BAG3: variants seen among roughly 807,000 people sequenced by gnomAD.
BAG3 encodes the protein BAG family molecular chaperone regulator 3.
BAG3 carries 14 observed loss-of-function variants against 40.5 expected under a neutral mutation model. The ratio of observed to expected loss-of-function variants is 0.35; its 90% CI spans 0.23 to 0.54. BAG3 has a LOEUF of 0.54. Ranked by LOEUF, BAG3 falls within the 20% of genes least tolerant of loss-of-function variation. BAG3 has a pLI of 0.91. For synonymous variants in BAG3, 302 were observed against 307.8 expected (o/e 0.98, Z 0.20); for missense variants, 788 against 758.6 (o/e 1.04, Z -0.46).
rs112546447 is a variant in BAG3, at chr10:119,651,898, C to T, written c.180+43C>T. The T allele has an allele frequency of 1.9e-3, 2,739 of 1,455,460 alleles. 43 individuals are homozygous for T. The African/African-American group carries it at 0.035, about 18-fold the overall frequency. The allele number at this position is 1,455,460 out of a possible 1,614,324, so 90.2% of individuals were successfully genotyped here. A position where few individuals can be genotyped will look rare whatever the true frequency, so the allele number is the denominator to read the frequency against. ...CCCGCCCTGGTCGGTGGCGCCACCT[C>T]GACGGCAGGCGGCGGGGAGTGGGCT... On this transcript the variant is annotated intron_variant, in intron 1 of 3. Transcript: ENST00000369085.
At chr10:119,666,638 C>G (rs1006889911) in intron 1 of BAG3, among the ~76,000 whole-genome samples, 1 of 52,572 alleles carries the variant, frequency 1.9e-5, no homozygotes, top group Non-Finnish European at 4.4e-5. Flanking sequence ...GGCTCAAGGG[C>G]TTTCTGGATC....
intron 1 of BAG3, among the ~76,000 whole-genome samples, chr10:119,668,461 C>T (rs1413143357): frequency 6.6e-6 from 1 of 152,256 alleles, no homozygotes; most frequent in Non-Finnish European, 1.5e-5. Flanking sequence ...AAAGATCACT[C>T]CCCTTCTTAA....
Position 119,672,148 on chromosome 10 carries a change from T to A in BAG3, c.508-107T>A. The A allele has an allele frequency of 1.4e-6, 2 of 1,448,606 alleles. No individual in the cohort carries two copies. The highest frequency in any genetic ancestry group is 1.9e-6 in the Non-Finnish European group (2 of 1,043,716). The allele number at this position is 1,448,606 out of a possible 1,614,324, so 89.7% of individuals were successfully genotyped here. On this transcript the variant is annotated intron_variant, in intron 2 of 3. Transcript: ENST00000369085. The surrounding 1 kb of genome is among the most constrained non-coding windows in gnomAD (Gnocchi z 4.8). ...ATTGAAAATTACAGATAGGAGGTCT[T>A]ACAATATGGATTGCCCTGAGGAGGT...
intron 1 of BAG3, among the ~76,000 whole-genome samples, chr10:119,666,826 A>G (rs897337660): frequency 6.6e-6 from 1 of 152,182 alleles, no homozygotes; most frequent in African/African-American, 2.4e-5. Flanking sequence ...TTACACAGCC[A>G]TACACCCATT....
In BAG3 at chr10:119,669,838, C is replaced by G; in HGVS notation, c.181-13C>G. The G allele has an allele frequency of 1.2e-6, 2 of 1,613,274 alleles. No individual in the cohort carries two copies. Among genetic ancestry groups the G allele is most frequent in the Non-Finnish European group, 1.7e-6 (2 of 1,179,300 alleles). ...TTTCTAACCAGCCTGTGTTTCTCCA[C>G]TTTTTATTTCAGGAGACTCCATCCT... On this transcript the variant is annotated splice_polypyrimidine_tract_variant and intron_variant, in intron 1 of 3. Coordinates refer to ENST00000369085, the MANE Select transcript of BAG3 (RefSeq NM_004281.4).
Position 119,651,801 on chromosome 10 carries a change from C to G in BAG3, c.126C>G (p.His42Gln). The change falls in exon 1 of 4, where the codon CAC (histidine) becomes CAG (glutamine). Residue 42 changes from histidine (H) to glutamine (Q), a missense_variant. His to Gln is a conservative substitution (Grantham distance 24, BLOSUM62 0). Transcript: ENST00000369085. ...PQTGWPFFVD[H>Q]NSRTTTWNDP... ...CCGGCTGGCCCTTCTTCGTGGACCA[C>G]AACAGCCGCACCACTACGTGGAACG... 6.2e-7 allele frequency: 1 copy of G among 1,600,954 alleles called. No individual in the cohort carries two copies. Among genetic ancestry groups the G allele is most frequent in the South Asian group, 1.1e-5 (1 of 89,520 alleles).
chr10:119,651,793 G>A lies in BAG3; in HGVS notation c.118G>A (p.Val40Met). 1.2e-6 allele frequency: 2 copies of A among 1,602,026 alleles called. No individual in the cohort carries two copies. Among genetic ancestry groups the A allele is most frequent in the African/African-American group, 1.3e-5 (1 of 74,178 alleles). The part of the protein sequence containing the change: ...IDPQTGWPFF[V>M]DHNSRTTTWN... ...CCCGCAGACCGGCTGGCCCTTCTTCGTGGACCACAACAGCCGCACCACTAC... is the reference window on the plus strand; with the variant it reads ...CCCGCAGACCGGCTGGCCCTTCTTCATGGACCACAACAGCCGCACCACTAC... Residue 40 changes from valine (V) to methionine (M), a missense_variant, in exon 1 of 4, where the codon GTG becomes ATG. Val to Met is a conservative substitution (Grantham distance 21, BLOSUM62 1). Coordinates refer to ENST00000369085, the MANE Select transcript of BAG3 (RefSeq NM_004281.4).
At chr10:119,653,957 T>A (rs1846877407) in intron 1 of BAG3, among the ~76,000 whole-genome samples, 1 of 152,222 alleles carries the variant, frequency 6.6e-6, no homozygotes, top group Admixed American at 6.5e-5. Flanking sequence ...TGAGGTTGCT[T>A]GGATTTTGAT....
Position 119,653,712 on chromosome 10 carries a change from T to A in BAG3, c.180+1857T>A, listed in dbSNP as rs1846873728. ...TTGAAATGTCCTTGAAGATCTCTTA[T>A]GTTAGGCTTCTTTATTTTCTGAAAC... On this transcript the variant is annotated intron_variant, in intron 1 of 3. Transcript: ENST00000369085. Among the ~76,000 whole-genome samples the A allele has an allele frequency of 2.0e-5, 3 of 152,220 alleles. No individual in the cohort carries two copies. The South Asian group carries it at 6.2e-4, about 32-fold the overall frequency.
chr10:119,674,635 A>C (rs1847194254), intron 3 of BAG3, among the ~76,000 whole-genome samples: 1 of 152,200 alleles, frequency 6.6e-6, no homozygotes, highest in Non-Finnish European at 1.5e-5. Context: ...GAGATTTTAA[A>C]AGAAGTGTTA....
intron 1 of BAG3, among the ~76,000 whole-genome samples, chr10:119,653,608 G>A (rs1208047587): frequency 6.6e-6 from 1 of 152,188 alleles, no homozygotes; most frequent in Non-Finnish European, 1.5e-5. Context: ...ATTCTTGTCA[G>A]CAAATACAAA....
At chr10:119,676,018 T>C (rs1297349221) in intron 3 of BAG3, among the ~76,000 whole-genome samples, 5 of 139,226 alleles carry the variant, frequency 3.6e-5, no homozygotes, top group African/African-American at 1.1e-4. Flanking sequence ...CTTGAATTCC[T>C]GGGCTCAAGC....
chr10:119,670,131 T>G lies in BAG3; in HGVS notation c.461T>G (p.Val154Gly). The part of the protein sequence containing the change: ...TTQPDKQCGQ[V>G]AAAAAAQPPA... ...CAGCCAGATAAACAGTGTGGACAGG[T>G]GGCAGCGGCGGCGGCAGCCCAGCCC... The change falls in exon 2 of 4, where the codon GTG becomes GGG. Residue 154 changes from valine (V) to glycine (G), a missense_variant. Val to Gly is a moderately radical substitution (Grantham distance 109). Coordinates refer to ENST00000369085, the MANE Select transcript of BAG3 (RefSeq NM_004281.4). 1 of 1,612,612 alleles carries G rather than the reference T, an allele frequency of 6.2e-7. No homozygotes were observed. The highest frequency in any genetic ancestry group is 1.3e-5 in the African/African-American group (1 of 74,914).
intron 1 of BAG3, among the ~76,000 whole-genome samples, chr10:119,665,413 T>C (rs1847050806): frequency 6.6e-6 from 1 of 151,904 alleles, no homozygotes; most frequent in East Asian, 1.9e-4. Context: ...GTGCTGGGAT[T>C]ACAGGCGTGA....
At chr10:119,652,035 G>A (rs866794627) in intron 1 of BAG3, among the ~76,000 whole-genome samples, 180 bp downstream of exon 1, 1 of 151,990 alleles carries the variant, frequency 6.6e-6, no homozygotes, top group African/African-American at 2.4e-5. Context: ...ACGAGTCCCC[G>A]CTCCGGACCC....
At chr10:119,658,247 G>A (rs1846941618) in intron 1 of BAG3, among the ~76,000 whole-genome samples, 1 of 152,270 alleles carries the variant, frequency 6.6e-6, no homozygotes, top group Non-Finnish European at 1.5e-5. Flanking sequence ...GCCCCTTCAT[G>A]TGCAGAAGAA....
In BAG3 at chr10:119,669,986, C is replaced by A; in HGVS notation, c.316C>A (p.Arg106=). The change falls in exon 2 of 4, where the codon CGG becomes AGG. Residue 106 remains arginine (R), a synonymous_variant. Coordinates refer to ENST00000369085, the MANE Select transcript of BAG3 (RefSeq NM_004281.4). ...TGTGCTCCATGAAGGCGCTGAGAAC[C>A]GGCAGGTGCACCCTTTCCATGTCTA... is the stretch of plus-strand genomic sequence containing the variant. The part of the protein sequence containing the change: ...IPVLHEGAEN[R]QVHPFHVYPQ... The A allele has an allele frequency of 6.2e-7, 1 of 1,614,240 alleles. No individual in the cohort carries two copies. Among genetic ancestry groups the A allele is most frequent in the East Asian group, 2.2e-5 (1 of 44,886 alleles).
intron 1 of BAG3, chr10:119,657,314 G>A (rs1336611701): frequency 6.0e-6 from 2 of 333,342 alleles, no homozygotes; most frequent in East Asian, 7.9e-5. Flanking sequence ...GAAGCAGGCT[G>A]TCTCTCTTCT....
At chr10:119,673,415 A>G (rs1847179561) in intron 3 of BAG3, among the ~76,000 whole-genome samples, 1 of 152,138 alleles carries the variant, frequency 6.6e-6, no homozygotes, top group South Asian at 2.1e-4. Flanking sequence ...GCTATGGCGG[A>G]TTGGAAGCCG....
Sources: allele counts gnomAD v4.1 joint callset (sites outside exome capture counted in the v4.1 genomes callset), GRCh38; gene constraint gnomAD v4.1.1; non-coding constraint Gnocchi (gnomAD v3.1); transcripts MANE v1.5; gene names NCBI Gene and HGNC (gene_info 2026-07-23, HGNC 2026-07-21).